PTPN22: variants seen among roughly 807,000 people sequenced by gnomAD.
PTPN22 encodes the protein tyrosine-protein phosphatase non-receptor type 22.
Under a neutral mutation model 103.3 loss-of-function variants are expected in PTPN22, and 85 were observed. The ratio of observed to expected loss-of-function variants is 0.82; its 90% confidence interval spans 0.69 to 0.99. The LOEUF is 0.99. Ranked by LOEUF, PTPN22 falls within the 50% of genes least tolerant of loss-of-function variation. The pLI, the probability that PTPN22 is intolerant of heterozygous loss-of-function variation, is 0.00. For missense variants in PTPN22, 865 were observed against 936.9 expected (o/e 0.92, Z 1.00); for synonymous variants, 323 against 310.2 (o/e 1.04, Z -0.43).
rs114971165 is a variant in PTPN22 at position 113,834,766 on chromosome 1, G to C, written c.1894+144C>G. 488 of 757,136 alleles carry C rather than the reference G, an allele frequency of 6.4e-4. 5 individuals are homozygous for C. In the African/African-American group the frequency reaches 7.6e-3, roughly 12 times the overall value. 46.9% of individuals were successfully genotyped at this position (757,136 alleles called of 1,614,324 possible). A position where few individuals can be genotyped will look rare whatever the true frequency, so the allele number is the denominator to read the frequency against. On this transcript the variant is annotated intron_variant, in intron 14 of 20. Coordinates refer to ENST00000359785, the Ensembl canonical transcript of PTPN22. ...ATTAGAGATGAGGTCTCACTATGTT[G>C]CGCAGGCTAGTCTTGAACTCCTGGC...
Position 113,854,949 on chromosome 1 carries a change from C to T in PTPN22, c.641G>A (p.Cys214Tyr), listed in dbSNP as rs761346024. Reference sequence around the variant, plus strand: ...GGGAACACTGTCATCCTCTTGGTAACAACGTACATCCCAGATGAGCTCAAG... The same window carrying T: ...GGGAACACTGTCATCCTCTTGGTAATAACGTACATCCCAGATGAGCTCAAG... Residue 214 changes from cysteine to tyrosine, a missense_variant, in exon 8 of 21, where the codon TGT becomes TAT. By Grantham distance (194) the Cys-to-Tyr change is radical. Coordinates refer to ENST00000359785, the Ensembl canonical transcript of PTPN22. 21 of 1,612,448 alleles carry T rather than the reference C, an allele frequency of 1.3e-5. No homozygotes were observed. The Admixed American group carries it at 2.8e-4, about 22-fold the overall frequency.
Position 113,856,411 on chromosome 1 carries a change from T to G in PTPN22, c.511A>C (p.Ile171Leu). The change falls in exon 7 of 21, where the codon ATC becomes CTC. Residue 171 changes from isoleucine to leucine, a missense_variant. By Grantham distance (5) the Ile-to-Leu change is conservative (BLOSUM62 2). Around this residue, in one of 3 missense-constraint regions of PTPN22, gnomAD observed 457 missense variants for 529.1 expected, o/e 0.86. Transcript: ENST00000359785. ...TTGAACTTAACTTTTAGAGTCCTGA[T>G]TATATAATCAGATTTCCTTTTTTCA... 1 of 1,586,798 alleles carries G rather than the reference T, an allele frequency of 6.3e-7. No individual in the cohort carries two copies. The highest frequency in any genetic ancestry group is 8.6e-7 in the Non-Finnish European group (1 of 1,164,796).
intron 10 of PTPN22, among the ~76,000 whole-genome samples, chr1:113,851,449 C>T (rs554025388): frequency 1.7e-4 from 26 of 152,230 alleles, no homozygotes; most frequent in Non-Finnish European, 3.2e-4. Flanking sequence ...CCACCGCGCC[C>T]GGCCCAATTA....
In PTPN22 at chr1:113,830,044, T is replaced by C. The variant is rs769816167; in HGVS notation, c.2054-15A>G. ...TTGATGTAGTTCTGTGATAAGAAAG[T>C]ATACAATAAACCAGAGAAATCCATC... On this transcript the variant is annotated splice_polypyrimidine_tract_variant and intron_variant, in intron 16 of 20. Coordinates refer to ENST00000359785, the Ensembl canonical transcript of PTPN22. 51 of 1,549,440 alleles carry C rather than the reference T, an allele frequency of 3.3e-5. 1 individual carries two copies. Among genetic ancestry groups the C allele is most frequent in the Non-Finnish European group, 4.4e-5 (50 of 1,128,768 alleles).
chr1:113,855,197 A>G (rs1337726042), intron 7 of PTPN22, 148 bp from the exon 8 acceptor site: 3 of 697,540 alleles, frequency 4.3e-6, no homozygotes, highest in Non-Finnish European at 7.0e-6. Context: ...TCTTATATTC[A>G]TAAGATTAAA....
chr1:113,832,868 C>T (rs969301906), intron 16 of PTPN22: 4 of 355,142 alleles, frequency 1.1e-5, no homozygotes, highest in Non-Finnish European at 2.0e-5. Flanking sequence ...AAAAGATTCT[C>T]TCTGAAATAG....
chr1:113,863,988 G>A (rs989794673), intron 1 of PTPN22, among the ~76,000 whole-genome samples: 11 of 149,028 alleles, frequency 7.4e-5, no homozygotes, highest in East Asian at 2.0e-4. Context: ...GCGCGATCTC[G>A]GCTCACTGCA....
intron 8 of PTPN22, 44 bp downstream of exon 8, chr1:113,854,863 C>T (rs1360146161): frequency 6.3e-7 from 1 of 1,585,602 alleles, no homozygotes; most frequent in South Asian, 1.1e-5. Context: ...CAGACTCTGA[C>T]ATTTGGTTCA....
intron 19 of PTPN22, among the ~76,000 whole-genome samples, chr1:113,820,512 A>G (rs1661504417): frequency 1.3e-5 from 2 of 152,116 alleles, no homozygotes; most frequent in Non-Finnish European, 2.9e-5. Flanking sequence ...TCCCAAAAGC[A>G]TTGTTATGCT....
At chr1:113,848,311 G>A (rs1571416395) in intron 11 of PTPN22, among the ~76,000 whole-genome samples, 1 of 152,010 alleles carries the variant, frequency 6.6e-6, no homozygotes, top group African/African-American at 2.4e-5. Context: ...CTCCCAAAAT[G>A]CTGGGATTAC....
chr1:113,829,575 A>C lies in PTPN22; in HGVS notation c.2250+17T>G, dbSNP rs1198992142. ...GAAAGTTTCCGGCATGTTTCCCAAA[A>C]CTCTTATCTTCTTTACCTTACTCCT... On this transcript the variant is annotated intron_variant, in intron 18 of 20. Transcript: ENST00000359785. 2 of 1,455,356 alleles carry C rather than the reference A, an allele frequency of 1.4e-6. No homozygotes were observed. Among genetic ancestry groups the C allele is most frequent in the African/African-American group, 2.9e-5 (2 of 69,784 alleles). The allele number at this position is 1,455,356 out of a possible 1,614,324, so 90.2% of individuals were successfully genotyped here.
intron 1 of PTPN22, among the ~76,000 whole-genome samples, chr1:113,860,441 G>A (rs921762307): frequency 1.3e-5 from 2 of 152,096 alleles, no homozygotes; most frequent in East Asian, 1.9e-4. Flanking sequence ...CACATCCTCC[G>A]TATATAAAGA....
intron 13 of PTPN22, among the ~76,000 whole-genome samples, chr1:113,835,940 A>AT (rs35200954): frequency 0.76 from 115,705 of 151,616 alleles, 44,985 homozygotes; most frequent in African/African-American, 0.89. Context: ...TTATTAATTA[A>AT]TTTTTTTTTG....
chr1:113,870,080 T>C (rs1297751831), intron 1 of PTPN22, among the ~76,000 whole-genome samples: 1 of 152,222 alleles, frequency 6.6e-6, no homozygotes, highest in Admixed American at 6.5e-5. Flanking sequence ...TTGGTTCTTT[T>C]TGTTCACCGC....
Position 113,834,306 on chromosome 1 carries a change from G to A in PTPN22, c.2025+3C>T, listed in dbSNP as rs749514145. ...TGAGTAGAGTCATTAAAAAATTATT[G>A]ACCTTGCTTGGTCTAAGTATCACAG... On this transcript the variant is annotated splice_donor_region_variant and intron_variant, in intron 15 of 20. Coordinates refer to ENST00000359785, the Ensembl canonical transcript of PTPN22. 7 of 1,612,756 alleles carry A rather than the reference G, an allele frequency of 4.3e-6. No individual in the cohort carries two copies. In the South Asian group the frequency reaches 6.6e-5, roughly 15 times the overall value.
At chr1:113,871,494 T>C (rs1459278236) in intron 1 of PTPN22, 43 bp downstream of exon 1, 2 of 1,541,722 alleles carry the variant, frequency 1.3e-6, no homozygotes, top group East Asian at 2.2e-5. Context: ...GTCAGTTAAA[T>C]AGTGTATGTA....
intron 20 of PTPN22, among the ~76,000 whole-genome samples, chr1:113,816,452 A>AAT (rs1661159601): frequency 6.6e-6 from 1 of 150,580 alleles, no homozygotes; most frequent in African/African-American, 2.5e-5. Flanking sequence ...AAAAAAAAAA[A>AAT]CAGCATCCAG....
chr1:113,826,019 T>A (rs1030802759), intron 18 of PTPN22, among the ~76,000 whole-genome samples: 1 of 151,544 alleles, frequency 6.6e-6, no homozygotes, highest in Non-Finnish European at 1.5e-5. Context: ...AGCCAATAAA[T>A]TTTTTTTTAA....
intron 16 of PTPN22, among the ~76,000 whole-genome samples, chr1:113,832,605 T>C (rs1393875778): frequency 1.3e-5 from 2 of 152,248 alleles, no homozygotes; most frequent in Admixed American, 6.5e-5. Context: ...ATATTATCTG[T>C]ATATGTATTT....
Sources: gnomAD v4.1 joint callset for allele counts (sites outside exome capture counted in the v4.1 genomes callset) on GRCh38, gnomAD v4.1.1 for gene constraint, gnomAD v4.1.1 regional missense constraint, MANE v1.5 for transcripts, NCBI Gene and HGNC (gene_info 2026-07-23, HGNC 2026-07-21) for gene names.